CIRSR: variants seen among roughly 807,000 people sequenced by gnomAD.
The protein encoded by CIRSR is corepressor of RBPJ and splicing regulator, also known as CBF1 (RBPJ) interacting corepressor 1.
At chr2:174,370,314 TGAG>T in the CIRSR span, among the ~76,000 whole-genome samples, 1 of 152,064 alleles carries the variant, frequency 6.6e-6, no homozygotes, top group African/African-American at 2.4e-5. Flanking sequence ...CCTCCCAAAG[TGAG>T]GAGATTATGG....
chr2:174,370,944 C>T, the CIRSR span, among the ~76,000 whole-genome samples: 2 of 151,500 alleles, frequency 1.3e-5, no homozygotes, highest in South Asian at 4.2e-4. Context: ...AAGAAAAATG[C>T]TCCATGGATG....
At chr2:174,368,912 G>C in the CIRSR span, among the ~76,000 whole-genome samples, 1 of 152,128 alleles carries the variant, frequency 6.6e-6, no homozygotes, top group African/African-American at 2.4e-5. Context: ...CACATGCAAA[G>C]TAGATTTAGC....
the CIRSR span, among the ~76,000 whole-genome samples, chr2:174,391,082 T>C: frequency 1.3e-5 from 2 of 152,218 alleles, no homozygotes; most frequent in African/African-American, 2.4e-5. Flanking sequence ...TGTGGGACTA[T>C]ACCATAATTT....
At chr2:174,375,787 C>A in the CIRSR span, among the ~76,000 whole-genome samples, 1 of 152,052 alleles carries the variant, frequency 6.6e-6, no homozygotes, top group East Asian at 1.9e-4. Flanking sequence ...CATCTGAATT[C>A]CTCCTTTTGT....
chr2:174,393,163 C>T, the CIRSR span, among the ~76,000 whole-genome samples: 1 of 152,008 alleles, frequency 6.6e-6, no homozygotes, highest in African/African-American at 2.4e-5. Flanking sequence ...TACAGTGATG[C>T]AATTGTCAAT....
chr2:174,358,798 T>C, the CIRSR span, among the ~76,000 whole-genome samples: 5 of 152,166 alleles, frequency 3.3e-5, no homozygotes, highest in African/African-American at 9.7e-5. Flanking sequence ...CTGCAACCTC[T>C]GCCTCCCAGG....
the CIRSR span, chr2:174,380,881 C>A: frequency 8.0e-7 from 1 of 1,250,252 alleles, no homozygotes; most frequent in South Asian, 1.3e-5. Context: ...ATATAAAAAT[C>A]TACTGTATAC....
chr2:174,373,379 T>C, the CIRSR span, among the ~76,000 whole-genome samples: 1 of 152,214 alleles, frequency 6.6e-6, no homozygotes, highest in Non-Finnish European at 1.5e-5. Flanking sequence ...CCAGTAACTC[T>C]GCTTTTTTTA....
the CIRSR span, chr2:174,380,771 A>C: frequency 5.0e-6 from 8 of 1,602,852 alleles, no homozygotes; most frequent in South Asian, 8.9e-5. Flanking sequence ...AATCAACTGC[A>C]AGTAAATTCA....
chr2:174,372,798 T>C, the CIRSR span, among the ~76,000 whole-genome samples: 1 of 152,168 alleles, frequency 6.6e-6, no homozygotes, highest in Non-Finnish European at 1.5e-5. Flanking sequence ...TCCAGGCTGG[T>C]CTCAAACTCC....
At chr2:174,349,629 A>G in the CIRSR span, among the ~76,000 whole-genome samples, 1 of 151,936 alleles carries the variant, frequency 6.6e-6, no homozygotes, top group Non-Finnish European at 1.5e-5. Flanking sequence ...ACTAAATGAC[A>G]ACTCATTTTC....
chr2:174,348,895 G>A, the CIRSR span: 4 of 1,614,150 alleles, frequency 2.5e-6, no homozygotes, highest in African/African-American at 5.3e-5. Context: ...AGTTCTTCAT[G>A]AAGCTTTCTC....
the CIRSR span, among the ~76,000 whole-genome samples, chr2:174,361,533 G>A: frequency 6.6e-6 from 1 of 152,326 alleles, no homozygotes; most frequent in Admixed American, 6.5e-5. Flanking sequence ...AAAGGTTTAT[G>A]AAAAGATGGA....
the CIRSR span, among the ~76,000 whole-genome samples, chr2:174,384,209 G>T: frequency 3.9e-4 from 59 of 152,316 alleles, no homozygotes; most frequent in East Asian, 7.5e-3. Flanking sequence ...ATACAGTGCT[G>T]ATACATATTA....
At chr2:174,384,907 A>G in the CIRSR span, among the ~76,000 whole-genome samples, 1 of 152,174 alleles carries the variant, frequency 6.6e-6, no homozygotes, top group African/African-American at 2.4e-5. Flanking sequence ...GTATCTAGAC[A>G]GAATAATAAA....
At chr2:174,391,458 T>C in the CIRSR span, among the ~76,000 whole-genome samples, 1 of 152,132 alleles carries the variant, frequency 6.6e-6, no homozygotes, top group Non-Finnish European at 1.5e-5. Flanking sequence ...GGCGTGGTGG[T>C]GTGTATCTGT....
chr2:174,387,595 C>A, the CIRSR span: 20 of 1,389,070 alleles, frequency 1.4e-5, no homozygotes, highest in Non-Finnish European at 1.7e-5. Flanking sequence ...GTATTTGATT[C>A]CAAAAAACTG....
At chr2:174,369,313 C>T in the CIRSR span, among the ~76,000 whole-genome samples, 1 of 152,194 alleles carries the variant, frequency 6.6e-6, no homozygotes, top group Non-Finnish European at 1.5e-5. Flanking sequence ...CCTCTATTAC[C>T]CTTCACAGAG....
the CIRSR span, among the ~76,000 whole-genome samples, chr2:174,357,104 G>A: frequency 6.6e-6 from 1 of 152,078 alleles, no homozygotes; most frequent in Non-Finnish European, 1.5e-5. Context: ...TATTGTATTT[G>A]ATTTATAGAT....
Sources: gnomAD v4.1 joint callset for allele counts (sites outside exome capture counted in the v4.1 genomes callset) on GRCh38, gnomAD v4.1.1 for gene constraint, MANE v1.5 for transcripts, NCBI Gene and HGNC (gene_info 2026-07-23, HGNC 2026-07-21) for gene names.